DNAH1: variants seen among roughly 807,000 people sequenced by gnomAD.
DNAH1 encodes the protein dynein axonemal heavy chain 1.
A neutral mutation model predicts 484.3 loss-of-function variants in DNAH1; 327 were observed. That is an observed-to-expected ratio of 0.68 (90% CI 0.62 to 0.74). The LOEUF (loss-of-function observed/expected upper bound fraction) is 0.74, where lower values mean the gene tolerates loss of function less well. Among genes scored for constraint, DNAH1 ranks in the 30% least tolerant of loss-of-function variants. DNAH1 has a pLI of 0.00. For missense variants in DNAH1, 5,052 were observed against 5,546.8 expected (o/e 0.91, Z 2.83); for synonymous variants, 2,192 against 2,191.9 (o/e 1.00, Z 0.00).
rs1702548451 is a variant in DNAH1 at position 52,354,972 on chromosome 3, A to G, written c.3610A>G (p.Thr1204Ala). ...SQLLDDHIVM[T>A]QNMSFSPYKK... ...GCTGCTGGACGACCACATCGTCATG[A>G]CCCAGAATATGTCATTTTCACCCTA... Residue 1204 changes from threonine to alanine, a missense_variant, in exon 21 of 78, where the codon ACC becomes GCC. Physicochemically the swap from Thr to Ala is moderately conservative, Grantham distance 58. Coordinates refer to ENST00000420323, the MANE Select transcript of DNAH1 (RefSeq NM_015512.5). The G allele has an allele frequency of 6.2e-7, 1 of 1,613,900 alleles. No homozygotes were observed. The highest frequency in any genetic ancestry group is 2.2e-5 in the East Asian group (1 of 44,894).
rs1225292583 is a variant in DNAH1 at position 52,379,191 on chromosome 3, G to A, written c.7377+411G>A. On this transcript the variant is annotated intron_variant, in intron 47 of 77. Transcript: ENST00000420323. The surrounding 1 kb of genome is among the most constrained non-coding windows in gnomAD (Gnocchi z 4.4). ...GTCCAGGCACTAGGCACGGTGGGGG[G>A]CCAACATGGAGCTTAAATTTGTTCT... Among the ~76,000 whole-genome samples the A allele has an allele frequency of 6.6e-6, 1 of 152,122 alleles. No individual in the cohort carries two copies. The highest frequency in any genetic ancestry group is 2.4e-5 in the African/African-American group (1 of 41,412).
At chr3:52,354,738 G>A in intron 20 of DNAH1, 105 bp from the exon 21 acceptor site, 1 of 1,079,072 alleles carries the variant, frequency 9.3e-7, no homozygotes, top group Non-Finnish European at 1.4e-6. Flanking sequence ...CGGCCATGTG[G>A]AGGTCATGGC....
Position 52,383,739 on chromosome 3 carries a change from G to GGCTGCTGT in DNAH1, c.8151-111_8151-104dup, listed in dbSNP as rs1703968416. Reference sequence around the variant, plus strand: ...CCTGGCCATCATGCCATTGGGCCCAGGCTGCTGTGCTGCTGTGTCCTGGCT... The same window carrying GGCTGCTGT: ...CCTGGCCATCATGCCATTGGGCCCAGGCTGCTGTGCTGCTGTGCTGCTGTGTCCTGGCT... On this transcript the variant is annotated intron_variant, in intron 51 of 77. Transcript: ENST00000420323. 4.2e-6 allele frequency: 6 copies of GGCTGCTGT among 1,414,936 alleles called. No individual in the cohort carries two copies. In the South Asian group the frequency reaches 4.4e-5, roughly 10 times the overall value. The allele number at this position is 1,414,936 out of a possible 1,614,324, so 87.6% of individuals were successfully genotyped here. A position where few individuals can be genotyped will look rare whatever the true frequency, so the allele number is the denominator to read the frequency against.
At chr3:52,396,176 G>A (rs1006706259) in intron 70 of DNAH1, among the ~76,000 whole-genome samples, 192 bp from the exon 71 acceptor site, 1 of 152,120 alleles carries the variant, frequency 6.6e-6, no homozygotes, top group Non-Finnish European at 1.5e-5. Context: ...CTCGTGATTC[G>A]CCTGCCTTGG....
chr3:52,368,919 G>A lies in DNAH1; in HGVS notation c.5943+1G>A. Reference sequence around the variant, plus strand: ...TGGGGAGATCATCAAGCTCACAGAGGTGCACCTACCTGTCCACCTGCCCAC... The same window carrying A: ...TGGGGAGATCATCAAGCTCACAGAGATGCACCTACCTGTCCACCTGCCCAC... On this transcript the variant is annotated splice_donor_variant, in intron 37 of 77. Coordinates refer to ENST00000420323, the MANE Select transcript of DNAH1 (RefSeq NM_015512.5). LOFTEE classifies it high-confidence loss of function. This position sits in a 1 kb window ranked among gnomAD's most constrained non-coding sequence, Gnocchi z 4.4. 6.2e-7 allele frequency: 1 copy of A among 1,612,270 alleles called. No individual in the cohort carries two copies. Among genetic ancestry groups the A allele is most frequent in the Admixed American group, 1.7e-5 (1 of 59,972 alleles).
In DNAH1 at chr3:52,393,446, G is replaced by GT; in HGVS notation, c.10588dup (p.Cys3530LeufsTer15). 1 of 1,614,054 alleles carries GT rather than the reference G, an allele frequency of 6.2e-7. No individual in the cohort carries two copies. The highest frequency in any genetic ancestry group is 2.2e-5 in the East Asian group (1 of 44,890). On this transcript the variant is annotated frameshift_variant, in exon 66 of 78. Transcript: ENST00000420323. LOFTEE classifies it high-confidence loss of function. The stretch of plus-strand genomic sequence containing the variant: ...ACAAGCTGATGTTTGCCTTCCTGCT[G>GT]TGTGTTCGCATCATGATGAACGAGG...
At chr3:52,373,436 A>T (rs1703445079) in intron 44 of DNAH1, among the ~76,000 whole-genome samples, 1 of 152,270 alleles carries the variant, frequency 6.6e-6, no homozygotes, top group South Asian at 2.1e-4. Context: ...CACCAAAAGC[A>T]GGGAAGAGTG....
Position 52,363,073 on chromosome 3 carries a change from A to G in DNAH1, c.5173A>G (p.Asn1725Asp), listed in dbSNP as rs541134997. ...GATCTCCCTCTATTCCTTTGGCTTT[A>G]ATGAGGCCAGTGTGCTGGCTAAGAA... ...TEISLYSFGF[N>D]EASVLAKKIT... Residue 1725 changes from asparagine (N) to aspartate (D), a missense_variant, in exon 32 of 78, where the codon AAT (asparagine) becomes GAT (aspartate). This residue lies in a region of DNAH1 where 2,929 missense variants were observed against 3,409.4 expected (regional missense o/e 0.86). Transcript: ENST00000420323. 7 of 1,613,946 alleles carry G rather than the reference A, an allele frequency of 4.3e-6. No individual in the cohort carries two copies. The East Asian group carries it at 1.6e-4, about 36-fold the overall frequency.
chr3:52,333,388 TTTC>T lies in DNAH1; in HGVS notation c.1286+997_1286+999del, dbSNP rs777100058. Among the ~76,000 whole-genome samples, 38 of 134,588 alleles carry T rather than the reference TTTC, an allele frequency of 2.8e-4. No individual in the cohort carries two copies. In the East Asian group the frequency reaches 2.9e-3, roughly 10 times the overall value. 88.3% of individuals were successfully genotyped at this position (134,588 alleles called of 152,430 possible). A position where few individuals can be genotyped will look rare whatever the true frequency, so the allele number is the denominator to read the frequency against. ...CTTTTCCTTTTCTTTTCTTTCTTTC[TTTC>T]TTTTTTTTTTTTTGAGATGGAGTTT... is the stretch of plus-strand genomic sequence containing the variant. On this transcript the variant is annotated intron_variant, in intron 8 of 77. Coordinates refer to ENST00000420323, the MANE Select transcript of DNAH1 (RefSeq NM_015512.5).
In DNAH1 at chr3:52,375,342, A is replaced by G; in HGVS notation, c.7088A>G (p.Tyr2363Cys). The change falls in exon 45 of 78, where the codon TAC becomes TGC. Residue 2363 changes from tyrosine to cysteine, a missense_variant. Physicochemically the swap from Tyr to Cys is radical, Grantham distance 194. Around this residue, in one of 4 missense-constraint regions of DNAH1, gnomAD observed 2,929 missense variants for 3,409.4 expected, o/e 0.86. Transcript: ENST00000420323. ...CCGCGGCTGATGCGTCACTTCAACT[A>G]CCTGTCTTTCGCTGAGATGGACGAG... The part of the protein sequence containing the change: ...VTPRLMRHFN[Y>C]LSFAEMDEVS... The G allele has an allele frequency of 6.2e-7, 1 of 1,613,510 alleles. No individual in the cohort carries two copies.
At chr3:52,369,222 G>A (rs1703214243) in intron 37 of DNAH1, among the ~76,000 whole-genome samples, 1 of 152,180 alleles carries the variant, frequency 6.6e-6, no homozygotes, top group African/African-American at 2.4e-5. Context: ...CTCCCCGGCT[G>A]ATGATGCCTC....
intron 6 of DNAH1, among the ~76,000 whole-genome samples, chr3:52,330,686 G>A (rs900682336): frequency 6.6e-6 from 1 of 150,616 alleles, no homozygotes; most frequent in Admixed American, 6.6e-5. Flanking sequence ...CTGCCCTGCC[G>A]TGCCCTGTTC....
chr3:52,317,253 G>A (rs1462587216), intron 1 of DNAH1, among the ~76,000 whole-genome samples: 1 of 152,070 alleles, frequency 6.6e-6, no homozygotes, highest in Non-Finnish European at 1.5e-5. Flanking sequence ...TTCAGAATAG[G>A]GCAGGAAGAT....
intron 36 of DNAH1, among the ~76,000 whole-genome samples, chr3:52,367,728 C>G (rs1421481184): frequency 6.6e-6 from 1 of 152,136 alleles, no homozygotes; most frequent in Non-Finnish European, 1.5e-5. Flanking sequence ...CATGTGCCAC[C>G]ATGCCCGGCT....
Position 52,353,453 on chromosome 3 carries a change from G to A in DNAH1, c.3300G>A (p.Gly1100=). The part of the protein sequence containing the change: ...EFKPYIPLIQ[G]LRNPGMRIRH... ...AACCATACATCCCACTGATCCAGGG[G>A]CTGCGCAACCCTGGCATGCGGATCC... Residue 1100 remains glycine (G), a synonymous_variant, in exon 20 of 78, where the codon GGG becomes GGA. Coordinates refer to ENST00000420323, the MANE Select transcript of DNAH1 (RefSeq NM_015512.5). The surrounding 1 kb of genome is among the most constrained non-coding windows in gnomAD (Gnocchi z 5.0). 1 of 1,613,924 alleles carries A rather than the reference G, an allele frequency of 6.2e-7. No individual in the cohort carries two copies. The highest frequency in any genetic ancestry group is 8.5e-7 in the Non-Finnish European group (1 of 1,179,912).
At chr3:52,346,910 G>A (rs541045281) in intron 11 of DNAH1, 140 bp downstream of exon 11, 226 of 918,216 alleles carry the variant, frequency 2.5e-4, no homozygotes, top group Non-Finnish European at 3.5e-4. Flanking sequence ...GCTCCCTGCA[G>A]GCTGCTGGGC....
At chr3:52,400,194 G>C in intron 77 of DNAH1, 131 bp from the exon 78 acceptor site, 1 of 1,273,560 alleles carries the variant, frequency 7.9e-7, no homozygotes, top group Non-Finnish European at 1.1e-6. Flanking sequence ...CCCCTCATCA[G>C]GTAGGCTTCC....
chr3:52,400,415 G>T lies in DNAH1; in HGVS notation c.12767G>T (p.Gly4256Val), dbSNP rs1293364806. 8 of 1,614,058 alleles carry T rather than the reference G, an allele frequency of 5.0e-6. No individual in the cohort carries two copies. The highest frequency in any genetic ancestry group is 6.8e-6 in the Non-Finnish European group (8 of 1,179,894). Residue 4256 changes from glycine (G) to valine (V), a missense_variant, in exon 78 of 78, where the codon GGT becomes GTT. Physicochemically the swap from Gly to Val is moderately radical, Grantham distance 109. Around this residue, in one of 4 missense-constraint regions of DNAH1, gnomAD observed 853 missense variants for 899.0 expected, o/e 0.95. Transcript: ENST00000420323. ...HQPQRHWIKR[G>V]VALICALDY ...CCCCAGCGACACTGGATAAAGCGTG[G>T]TGTGGCCCTCATCTGTGCCCTGGAC...
Position 52,378,608 on chromosome 3 carries a change from C to G in DNAH1, c.7205C>G (p.Ala2402Gly). ...CATTCTCCTATTCCCCCAGCTGGGGCCCCCCACATTGCCCACTTCACGGAG... is the reference window on the plus strand; with the variant it reads ...CATTCTCCTATTCCCCCAGCTGGGGGCCCCCACATTGCCCACTTCACGGAG... ...EKSYRERVPGAPHIAHFTEPL... is the reference protein window; with the variant it reads ...EKSYRERVPGGPHIAHFTEPL... Residue 2402 changes from alanine to glycine, a missense_variant, in exon 47 of 78, where the codon GCC (alanine) becomes GGC (glycine). Coordinates refer to ENST00000420323, the MANE Select transcript of DNAH1 (RefSeq NM_015512.5). 1 of 1,613,218 alleles carries G rather than the reference C, an allele frequency of 6.2e-7. No individual in the cohort carries two copies. The highest frequency in any genetic ancestry group is 8.5e-7 in the Non-Finnish European group (1 of 1,179,708).
Sources: gnomAD v4.1 joint callset for allele counts (sites outside exome capture counted in the v4.1 genomes callset) on GRCh38, gnomAD v4.1.1 for gene constraint, gnomAD v4.1.1 regional missense constraint, Gnocchi (gnomAD v3.1) non-coding constraint, MANE v1.5 for transcripts, NCBI Gene and HGNC (gene_info 2026-07-23, HGNC 2026-07-21) for gene names.